The following CNTNAP2 variants were observed in gnomAD, a reference collection of about 807,000 sequenced individuals.
CNTNAP2 encodes contactin-associated protein-like 2.
A neutral mutation model predicts 155.2 loss-of-function variants in CNTNAP2; 98 were observed. The observed-to-expected ratio is 0.63, with a 90% confidence interval of 0.54 to 0.75. The LOEUF (loss-of-function observed/expected upper bound fraction) is 0.75. Among genes scored for constraint, CNTNAP2 ranks in the 30% least tolerant of loss-of-function variants. CNTNAP2 has a pLI of 0.00. For synonymous variants in CNTNAP2, 651 were observed against 631.2 expected (o/e 1.03, Z -0.47); for missense variants, 1,727 against 1,688.1 (o/e 1.02, Z -0.40).
intron 1 of CNTNAP2, chr7:146,208,618 T>G (rs552284879): frequency 6.7e-6 from 1 of 150,102 alleles, no homozygotes; most frequent in South Asian, 2.1e-4. Context: ...AAAAAAAAAG[T>G]CCACATCATA....
At chr7:146,267,526 GATA>G (rs1800015217) in intron 1 of CNTNAP2, among the ~76,000 whole-genome samples, 1 of 152,182 alleles carries the variant, frequency 6.6e-6, no homozygotes, top group Non-Finnish European at 1.5e-5. Context: ...CCAAGGTGAT[GATA>G]ATAGGAGGTG....
chr7:146,449,527 A>G (rs1796447607), intron 1 of CNTNAP2, among the ~76,000 whole-genome samples: 2 of 152,246 alleles, frequency 1.3e-5, no homozygotes, highest in Middle Eastern at 3.4e-3. Context: ...TGGATGTTTC[A>G]TCTACAGTAT....
intron 8 of CNTNAP2, among the ~76,000 whole-genome samples, chr7:147,136,826 G>C (rs1801489751): frequency 6.6e-6 from 1 of 151,768 alleles, no homozygotes; most frequent in African/African-American, 2.4e-5. Context: ...TGATGTTTTA[G>C]TTGTTTACTG....
intron 9 of CNTNAP2, among the ~76,000 whole-genome samples, chr7:147,304,649 G>A (rs1387323082): frequency 6.6e-6 from 1 of 152,140 alleles, no homozygotes; most frequent in East Asian, 1.9e-4. Context: ...AAAGCAAGTG[G>A]TGAAGGCAAG....
chr7:146,336,943 C>T (rs1476969470), intron 1 of CNTNAP2, among the ~76,000 whole-genome samples: 4 of 152,066 alleles, frequency 2.6e-5, no homozygotes, highest in African/African-American at 9.7e-5. Flanking sequence ...GGCTGTAGTG[C>T]AGGGAGAGGA....
chr7:146,447,132 T>C (rs1264548714), intron 1 of CNTNAP2, among the ~76,000 whole-genome samples: 10 of 152,070 alleles, frequency 6.6e-5, no homozygotes, highest in Admixed American at 6.5e-4. Context: ...CAGATTAATA[T>C]ACTTCTGCTA....
intron 22 of CNTNAP2, among the ~76,000 whole-genome samples, chr7:148,387,842 G>A (rs541710965): frequency 1.3e-3 from 192 of 152,214 alleles, no homozygotes; most frequent in Admixed American, 5.2e-3. Flanking sequence ...AATAGGGGCT[G>A]GGTAAAATAA....
chr7:146,725,939 C>A (rs549449488), intron 1 of CNTNAP2, among the ~76,000 whole-genome samples: 1 of 152,134 alleles, frequency 6.6e-6, no homozygotes, highest in Non-Finnish European at 1.5e-5. Context: ...GCCAGCTCTG[C>A]ATGAATTAAG....
chr7:147,654,187 T>G (rs1332455396), intron 13 of CNTNAP2, among the ~76,000 whole-genome samples: 3 of 152,218 alleles, frequency 2.0e-5, no homozygotes, highest in African/African-American at 7.2e-5. Context: ...TTTTCACAAA[T>G]GACTTGAATT....
intron 1 of CNTNAP2, among the ~76,000 whole-genome samples, chr7:146,424,849 T>C (rs1796065476): frequency 6.6e-6 from 1 of 152,182 alleles, no homozygotes; most frequent in African/African-American, 2.4e-5. Flanking sequence ...GCAAATCTGT[T>C]ATTTAAGTAC....
chr7:146,486,046 C>CTTTTTTTTTTTTTT (rs71175651), intron 1 of CNTNAP2, among the ~76,000 whole-genome samples: 1 of 42,572 alleles, frequency 2.3e-5, no homozygotes, highest in African/African-American at 8.4e-5. Context: ...CCACAGCAGT[C>CTTTTTTTTTTTTTT]TTTTTTTTTT....
rs200336284 is a variant in CNTNAP2 at position 148,078,917 on chromosome 7, C to G, written c.2384-39201C>G. Among the ~76,000 whole-genome samples the G allele has an allele frequency of 8.5e-5, 13 of 152,250 alleles. No individual in the cohort carries two copies. The East Asian group carries it at 2.5e-3, about 29-fold the overall frequency. On this transcript the variant is annotated intron_variant, in intron 15 of 23. Coordinates refer to ENST00000361727, the MANE Select transcript of CNTNAP2 (RefSeq NM_014141.6). ...CTCAAATTTGTTAGAAATGTCACAA[C>G]AAATAGCTTTTTCAACCTATGAACA...
intron 13 of CNTNAP2, among the ~76,000 whole-genome samples, chr7:147,784,999 T>C (rs548013799): frequency 1.3e-5 from 2 of 152,204 alleles, no homozygotes; most frequent in African/African-American, 4.8e-5. Context: ...CAGACCAGTT[T>C]TGTGGAGAAA....
chr7:146,548,454 C>T (rs1298200331), intron 1 of CNTNAP2, among the ~76,000 whole-genome samples: 1 of 152,020 alleles, frequency 6.6e-6, no homozygotes. Flanking sequence ...AATCCCATTA[C>T]TGGGTATATA....
intron 1 of CNTNAP2, among the ~76,000 whole-genome samples, chr7:146,282,218 G>A (rs961298279): frequency 7.9e-5 from 12 of 152,164 alleles, no homozygotes; most frequent in South Asian, 2.1e-4. Context: ...TCGCTTATCC[G>A]TGATCTTTCA....
intron 1 of CNTNAP2, among the ~76,000 whole-genome samples, chr7:146,465,706 T>A (rs1354099378): frequency 3.9e-5 from 6 of 152,210 alleles, no homozygotes; most frequent in Non-Finnish European, 8.8e-5. Flanking sequence ...TTCAGACCTA[T>A]CTTGTTTCAG....
intron 15 of CNTNAP2, among the ~76,000 whole-genome samples, chr7:148,106,891 G>A (rs1369606600): frequency 6.6e-6 from 1 of 152,096 alleles, no homozygotes; most frequent in Non-Finnish European, 1.5e-5. Flanking sequence ...TTGGAGTGAG[G>A]ACAGGAAGGC....
intron 9 of CNTNAP2, among the ~76,000 whole-genome samples, chr7:147,321,675 T>A (rs1392764866): frequency 1.3e-5 from 2 of 152,152 alleles, no homozygotes; most frequent in East Asian, 3.9e-4. Flanking sequence ...GCATTTCTCT[T>A]AACATGGAAA....
chr7:146,660,838 T>A (rs2129165905), intron 1 of CNTNAP2, among the ~76,000 whole-genome samples: 1 of 152,352 alleles, frequency 6.6e-6, no homozygotes, highest in African/African-American at 2.4e-5. Flanking sequence ...TCATCATTTC[T>A]TTTATGGACT....
Sources: gnomAD v4.1 joint callset for allele counts (sites outside exome capture counted in the v4.1 genomes callset) on GRCh38, gnomAD v4.1.1 for gene constraint, MANE v1.5 for transcripts, NCBI Gene and HGNC (gene_info 2026-07-23, HGNC 2026-07-21) for gene names.